The following STIM2 variants were observed in gnomAD, a reference collection of about 807,000 sequenced individuals.
STIM2 encodes the protein stromal interaction molecule 2.
Under a neutral mutation model 85.8 loss-of-function variants are expected in STIM2, and 31 were observed. The ratio of observed to expected loss-of-function variants is 0.36; its 90% CI spans 0.27 to 0.49. STIM2 has a LOEUF of 0.49. Ranked by LOEUF, STIM2 falls within the 20% of genes least tolerant of loss-of-function variation. STIM2 has a pLI of 0.98. For synonymous variants in STIM2, 356 were observed against 331.1 expected, an observed-to-expected ratio of 1.08 and a Z score of -0.82; for missense variants, 841 against 927.6, an observed-to-expected ratio of 0.91 and a Z score of 1.21.
intron 7 of STIM2, among the ~76,000 whole-genome samples, chr4:27,007,075 G>A (rs1454209276): frequency 3.9e-5 from 6 of 152,162 alleles, no homozygotes; most frequent in African/African-American, 7.2e-5. Context: ...GGAGTAGAAC[G>A]TGTATCCACC....
chr4:27,009,398 T>A (rs1728487167), intron 10 of STIM2, among the ~76,000 whole-genome samples: 1 of 152,164 alleles, frequency 6.6e-6, no homozygotes, highest in East Asian at 1.9e-4. Flanking sequence ...GATAGCACAC[T>A]ATAAATGCCA....
chr4:26,904,789 C>A (rs1324985765), intron 1 of STIM2, among the ~76,000 whole-genome samples: 2 of 144,776 alleles, frequency 1.4e-5, no homozygotes, highest in Admixed American at 6.9e-5. Flanking sequence ...AGGATGGGAG[C>A]AAAAGCCCAG....
chr4:26,947,496 C>T (rs1157577853), intron 2 of STIM2, among the ~76,000 whole-genome samples: 1 of 152,020 alleles, frequency 6.6e-6, no homozygotes, highest in Non-Finnish European at 1.5e-5. Context: ...TTGGCCGGGC[C>T]AGGGCTCTCT....
At chr4:26,873,779 G>A (rs1722714907) in intron 1 of STIM2, 2 of 862,978 alleles carry the variant, frequency 2.3e-6, no homozygotes, top group Admixed American at 3.5e-5. Flanking sequence ...GGAGAGCAGA[G>A]GGGCTCTGTC....
intron 1 of STIM2, among the ~76,000 whole-genome samples, chr4:26,911,179 A>T (rs1318787136): frequency 6.6e-6 from 1 of 151,828 alleles, no homozygotes; most frequent in East Asian, 1.9e-4. Context: ...GTAGGTTGCA[A>T]TGAGCTGGGA....
At chr4:27,021,011 G>C (rs1728889396) in intron 11 of STIM2, 1 of 1,535,920 alleles carries the variant, frequency 6.5e-7, no homozygotes, top group Non-Finnish European at 8.7e-7. Context: ...TATTCACCTT[G>C]GGCTCGGTGC....
chr4:27,018,427 T>A (rs949080054), intron 11 of STIM2, among the ~76,000 whole-genome samples: 1 of 152,224 alleles, frequency 6.6e-6, no homozygotes, highest in African/African-American at 2.4e-5. Flanking sequence ...AGAGAATTTC[T>A]CTGCTGTAGA....
chr4:27,002,839 A>G, intron 6 of STIM2, 88 bp from the exon 7 acceptor site: 1 of 1,145,792 alleles, frequency 8.7e-7, no homozygotes, highest in Non-Finnish European at 1.2e-6. Context: ...ATATGTATTT[A>G]ATCGCTTGAC....
chr4:26,987,035 G>C (rs751893752), intron 3 of STIM2, among the ~76,000 whole-genome samples: 1 of 152,224 alleles, frequency 6.6e-6, no homozygotes, highest in Non-Finnish European at 1.5e-5. Flanking sequence ...ATGGGAGAAA[G>C]AGATTGCTTT....
chr4:26,910,695 A>G (rs1724303770), intron 1 of STIM2, among the ~76,000 whole-genome samples: 1 of 151,616 alleles, frequency 6.6e-6, no homozygotes, highest in African/African-American at 2.4e-5. Flanking sequence ...TACTTTTTGG[A>G]TAGAGGAGTA....
chr4:26,931,831 T>A (rs1198249090), intron 2 of STIM2, among the ~76,000 whole-genome samples: 3 of 152,218 alleles, frequency 2.0e-5, no homozygotes, highest in African/African-American at 7.2e-5. Flanking sequence ...AAATAGAGAC[T>A]TTAATTCTTT....
intron 2 of STIM2, among the ~76,000 whole-genome samples, chr4:26,947,873 G>GT (rs2109086320): frequency 6.6e-6 from 1 of 152,152 alleles, no homozygotes; most frequent in Admixed American, 6.5e-5. Flanking sequence ...CCTTATAATC[G>GT]TATGTCTATC....
At chr4:26,916,686 G>T (rs899884538) in intron 1 of STIM2, among the ~76,000 whole-genome samples, 2 of 151,660 alleles carry the variant, frequency 1.3e-5, no homozygotes, top group African/African-American at 4.8e-5. Flanking sequence ...CTGTATGTTG[G>T]TATCTTTGTA....
At chr4:26,874,061 C>G in intron 1 of STIM2, 1 of 653,996 alleles carries the variant, frequency 1.5e-6, no homozygotes, top group Non-Finnish European at 2.9e-6. Context: ...TTCTCTGGGA[C>G]TTGGCACCTG....
chr4:26,891,096 A>C (rs1296456201), intron 1 of STIM2, among the ~76,000 whole-genome samples: 1 of 152,188 alleles, frequency 6.6e-6, no homozygotes, highest in Non-Finnish European at 1.5e-5. Flanking sequence ...TTTATAGTTC[A>C]GTTTGTGTGA....
intron 11 of STIM2, among the ~76,000 whole-genome samples, chr4:27,019,100 G>A (rs191069897): frequency 6.6e-6 from 1 of 152,322 alleles, no homozygotes; most frequent in East Asian, 1.9e-4. Flanking sequence ...TTGAGTGGTA[G>A]TTTCAGGTAT....
intron 2 of STIM2, among the ~76,000 whole-genome samples, chr4:26,921,950 G>A (rs1282774358): frequency 6.6e-6 from 1 of 152,050 alleles, no homozygotes; most frequent in Non-Finnish European, 1.5e-5. Context: ...CATTACTTTC[G>A]ATTCAAAGTA....
intron 1 of STIM2, among the ~76,000 whole-genome samples, chr4:26,863,538 G>A (rs769736035): frequency 1.2e-4 from 18 of 152,092 alleles, no homozygotes; most frequent in Non-Finnish European, 2.2e-4. Flanking sequence ...ATTCTTAAGA[G>A]TGTATGAATA....
chr4:27,001,174 T>C (rs1354921287), intron 5 of STIM2, among the ~76,000 whole-genome samples: 2 of 152,216 alleles, frequency 1.3e-5, no homozygotes, highest in African/African-American at 4.8e-5. Flanking sequence ...CAAAATATGT[T>C]TCTGCCGGAG....
Sources: allele counts gnomAD v4.1 joint callset (sites outside exome capture counted in the v4.1 genomes callset), GRCh38; gene constraint gnomAD v4.1.1; transcripts MANE v1.5; gene names NCBI Gene and HGNC (gene_info 2026-07-23, HGNC 2026-07-21).